Variants in MDGA2 observed in about 807,000 individuals in gnomAD.
MDGA2 encodes the protein MAM domain containing glycosylphosphatidylinositol anchor 2, also known as MAM domain-containing glycosylphosphatidylinositol anchor protein 2.
A neutral mutation model predicts 117.8 loss-of-function variants in MDGA2; 40 were observed. That is an observed-to-expected ratio of 0.34 (90% CI 0.26 to 0.44). MDGA2 has a LOEUF of 0.44. Among genes scored for constraint, MDGA2 ranks in the 20% least tolerant of loss-of-function variants. The pLI is 1.00. For missense variants in MDGA2, 1,123 were observed against 1,250.6 expected (o/e 0.90, Z 1.54); for synonymous variants, 452 against 439.0 (o/e 1.03, Z -0.37).
In MDGA2 at chr14:47,585,598, T is replaced by C. The variant is rs2082382143; in HGVS notation, c.280+88919A>G. 2.0e-5 allele frequency among the ~76,000 whole-genome samples: 3 copies of C among 151,790 alleles called. No individual in the cohort carries two copies. The South Asian group carries it at 6.2e-4, about 31-fold the overall frequency. On this transcript the variant is annotated intron_variant, in intron 1 of 16. Transcript: ENST00000399232. ...CTCTCAGGTGCAACTGATTACTCAA[T>C]GTAAGCCAACAGAAGCCAAAAGGAG...
At chr14:47,057,075 C>A (rs557274660) in intron 7 of MDGA2, among the ~76,000 whole-genome samples, 5 of 152,124 alleles carry the variant, frequency 3.3e-5, no homozygotes, top group African/African-American at 1.2e-4. Flanking sequence ...TGCTTATATT[C>A]ATATCAATGA....
chr14:47,298,836 G>C (rs551682588), intron 2 of MDGA2, among the ~76,000 whole-genome samples: 9 of 151,652 alleles, frequency 5.9e-5, no homozygotes, highest in South Asian at 4.2e-4. Context: ...AGGCACCCGC[G>C]ACCACGTCCG....
chr14:46,845,664 C>A, intron 16 of MDGA2, 102 bp downstream of exon 16: 1 of 702,464 alleles, frequency 1.4e-6, no homozygotes, highest in Non-Finnish European at 2.3e-6. Context: ...AATAAACCAA[C>A]TAAAAATAAC....
chr14:47,247,216 C>T (rs186245444), intron 2 of MDGA2, among the ~76,000 whole-genome samples: 19 of 151,456 alleles, frequency 1.3e-4, no homozygotes, highest in Non-Finnish European at 2.4e-4. Context: ...AGTATTTAAA[C>T]GAAGGAGTCA....
intron 14 of MDGA2, among the ~76,000 whole-genome samples, chr14:46,866,239 A>T (rs1190801663): frequency 1.3e-5 from 2 of 152,112 alleles, no homozygotes; most frequent in African/African-American, 4.8e-5. Flanking sequence ...ATAATGCCAC[A>T]TATCCACAAC....
intron 14 of MDGA2, among the ~76,000 whole-genome samples, chr14:46,863,244 T>A: frequency 6.6e-6 from 1 of 152,140 alleles, no homozygotes; most frequent in Non-Finnish European, 1.5e-5. Context: ...AATGTACCCC[T>A]CAGTCTTCTC....
intron 1 of MDGA2, among the ~76,000 whole-genome samples, chr14:47,306,865 G>C (rs1889466907): frequency 1.3e-5 from 2 of 151,850 alleles, no homozygotes; most frequent in South Asian, 2.1e-4. Flanking sequence ...GAGAGAGAGA[G>C]AGAGGCAGAT....
intron 8 of MDGA2, among the ~76,000 whole-genome samples, chr14:47,028,577 T>C (rs1295316444): frequency 2.0e-5 from 3 of 152,196 alleles, no homozygotes; most frequent in Non-Finnish European, 4.4e-5. Flanking sequence ...CTAATGCTAG[T>C]GTCCATGGAG....
At chr14:47,088,633 A>G (rs537259772) in intron 6 of MDGA2, among the ~76,000 whole-genome samples, 2 of 152,300 alleles carry the variant, frequency 1.3e-5, no homozygotes, top group South Asian at 4.1e-4. Context: ...ATTCTGGGAA[A>G]TTGCCAATTA....
intron 5 of MDGA2, among the ~76,000 whole-genome samples, chr14:47,106,383 C>T (rs1435173822): frequency 6.6e-6 from 1 of 151,986 alleles, no homozygotes; most frequent in African/African-American, 2.4e-5. Context: ...CTCCAGCACA[C>T]AAGAACTTCC....
intron 1 of MDGA2, among the ~76,000 whole-genome samples, chr14:47,401,367 A>C (rs1051123890): frequency 3.3e-5 from 5 of 152,186 alleles, no homozygotes; most frequent in African/African-American, 1.2e-4. Flanking sequence ...CCTTAAGATT[A>C]AGATTCCGAG....
intron 6 of MDGA2, among the ~76,000 whole-genome samples, chr14:47,077,610 G>T (rs1221120667): frequency 6.6e-6 from 1 of 150,822 alleles, no homozygotes; most frequent in Non-Finnish European, 1.5e-5. Context: ...TTTACCAGGT[G>T]TTCATATTTA....
At chr14:47,385,808 C>T (rs192390156) in intron 1 of MDGA2, among the ~76,000 whole-genome samples, 8 of 152,172 alleles carry the variant, frequency 5.3e-5, no homozygotes, top group Admixed American at 3.9e-4. Context: ...TAAGGAAAGT[C>T]GGTGATGATA....
chr14:47,337,514 A>C (rs960000299), intron 1 of MDGA2, among the ~76,000 whole-genome samples: 2 of 152,238 alleles, frequency 1.3e-5, no homozygotes, highest in Non-Finnish European at 2.9e-5. Flanking sequence ...AAGATAAAAA[A>C]TGTAGATATA....
intron 3 of MDGA2, among the ~76,000 whole-genome samples, chr14:47,193,422 T>G (rs1887150): frequency 0.52 from 78,352 of 151,924 alleles, 21,499 homozygotes; most frequent in African/African-American, 0.72. Context: ...CCCAGAGTCT[T>G]GGATCTTAAC....
At chr14:47,673,226 C>T (rs1268798209) in intron 1 of MDGA2, among the ~76,000 whole-genome samples, 1 of 152,194 alleles carries the variant, frequency 6.6e-6, no homozygotes, top group East Asian at 1.9e-4. Context: ...AACACCCACC[C>T]ACTGTGCACT....
Position 47,214,053 on chromosome 14 carries a change from T to C in MDGA2, c.595+3968A>G, listed in dbSNP as rs141377968. On this transcript the variant is annotated intron_variant, in intron 3 of 16. Coordinates refer to ENST00000399232, the MANE Select transcript of MDGA2 (RefSeq NM_001113498.3). ...TCCCTCATAAAACCATCAGATCTCA[T>C]AAAAACTCACTATCACGAGAACTGC... Among the ~76,000 whole-genome samples the C allele has an allele frequency of 6.6e-3, 1,005 of 152,120 alleles. 13 individuals carry two copies. Among genetic ancestry groups the C allele is most frequent in the African/African-American group, 0.022 (931 of 41,516 alleles).
Position 46,858,419 on chromosome 14 carries a change from TC to T in MDGA2, c.2753-3266del, listed in dbSNP as rs1274988240. Among the ~76,000 whole-genome samples, 103 of 140,146 alleles carry T rather than the reference TC, an allele frequency of 7.3e-4. 2 individuals are homozygous for T. Among genetic ancestry groups the T allele is most frequent in the African/African-American group, 2.3e-3 (84 of 36,604 alleles). The allele number at this position is 140,146 out of a possible 152,430, so 91.9% of individuals were successfully genotyped here. ...ACTTTTTTTCTTTTCTTTTTCTTTT[TC>T]TTTTTTTCTTTTTTTTTTTTTTTTT... On this transcript the variant is annotated intron_variant, in intron 14 of 16. Transcript: ENST00000399232.
At chr14:47,199,683 TAAAC>T (rs754675699) in intron 3 of MDGA2, among the ~76,000 whole-genome samples, 11 of 152,276 alleles carry the variant, frequency 7.2e-5, no homozygotes, top group South Asian at 2.1e-4. Context: ...ATATTAATAA[TAAAC>T]AGACAGGTAT....
Sources: gnomAD v4.1 joint callset for allele counts (sites outside exome capture counted in the v4.1 genomes callset) on GRCh38, gnomAD v4.1.1 for gene constraint, MANE v1.5 for transcripts, NCBI Gene and HGNC (gene_info 2026-07-23, HGNC 2026-07-21) for gene names.